PRKN: variants seen among roughly 807,000 people sequenced by gnomAD.
PRKN encodes the protein parkin RBR E3 ubiquitin protein ligase.
PRKN carries 56 observed loss-of-function variants against 59.5 expected under a neutral mutation model. The observed-to-expected ratio is 0.94, with a 90% CI of 0.76 to 1.18. PRKN has a LOEUF of 1.18. PRKN is among the 50% of genes most tolerant of loss of function. PRKN has a pLI of 0.00. For missense variants in PRKN, 657 were observed against 596.4 expected, an observed-to-expected ratio of 1.10 and a Z score of -1.06; for synonymous variants, 250 against 222.1, an observed-to-expected ratio of 1.13 and a Z score of -1.12.
intron 5 of PRKN, among the ~76,000 whole-genome samples, chr6:162,007,554 T>C (rs1416014368): frequency 1.3e-5 from 2 of 152,118 alleles, no homozygotes; most frequent in Non-Finnish European, 2.9e-5. Flanking sequence ...TAAACTTTAA[T>C]AGGTACCACT....
At chr6:162,102,897 G>A (rs1018568087) in intron 4 of PRKN, among the ~76,000 whole-genome samples, 1 of 151,868 alleles carries the variant, frequency 6.6e-6, no homozygotes, top group African/African-American at 2.4e-5. Flanking sequence ...CAAAAAATTA[G>A]CCAGGCGTGG....
intron 1 of PRKN, among the ~76,000 whole-genome samples, chr6:162,529,113 A>T (rs1583734619): frequency 6.6e-6 from 1 of 152,110 alleles, no homozygotes; most frequent in Non-Finnish European, 1.5e-5. Flanking sequence ...TCCTCAAGCA[A>T]TCTGCCCACC....
chr6:162,201,123 T>G lies in PRKN; in HGVS notation c.534+8A>C. 6.2e-7 allele frequency: 1 copy of G among 1,614,098 alleles called. No homozygotes were observed. The highest frequency in any genetic ancestry group is 8.5e-7 in the Non-Finnish European group (1 of 1,179,956). On this transcript the variant is annotated splice_region_variant and intron_variant, in intron 4 of 11. Transcript: ENST00000366898. ...TGGCAGTCTCATGCTGACACTGCAT[T>G]TCCTTACCTGGGTCAAGGTGAGCGT... is the stretch of plus-strand genomic sequence containing the variant.
chr6:161,911,878 A>G (rs1778373946), intron 6 of PRKN, among the ~76,000 whole-genome samples: 1 of 152,124 alleles, frequency 6.6e-6, no homozygotes, highest in African/African-American at 2.4e-5. Flanking sequence ...GAAAGCATCA[A>G]AAGTATAAGA....
intron 2 of PRKN, among the ~76,000 whole-genome samples, chr6:162,315,560 C>T (rs1432725666): frequency 6.6e-6 from 1 of 152,122 alleles, no homozygotes; most frequent in Non-Finnish European, 1.5e-5. Flanking sequence ...TTTTATCTAG[C>T]AACTCTATTT....
chr6:162,484,712 G>T (rs1236018945), intron 1 of PRKN, among the ~76,000 whole-genome samples: 1 of 152,172 alleles, frequency 6.6e-6, no homozygotes, highest in Non-Finnish European at 1.5e-5. Context: ...GTGAGACGGG[G>T]CATGCTTCTT....
intron 4 of PRKN, among the ~76,000 whole-genome samples, chr6:162,057,966 A>T (rs1777932983): frequency 6.6e-6 from 1 of 152,198 alleles, no homozygotes; most frequent in Non-Finnish European, 1.5e-5. Context: ...GTAATGTACA[A>T]ATTACATGGC....
intron 1 of PRKN, among the ~76,000 whole-genome samples, chr6:162,540,252 TAG>T (rs1211326785): frequency 6.6e-6 from 1 of 152,040 alleles, no homozygotes; most frequent in Admixed American, 6.6e-5. Context: ...TTTTTTGAGA[TAG>T]AGTCTTGCTC....
intron 1 of PRKN, among the ~76,000 whole-genome samples, chr6:162,576,857 A>C (rs1250958163): frequency 6.6e-6 from 1 of 151,384 alleles, no homozygotes; most frequent in African/African-American, 2.4e-5. Flanking sequence ...TACATTTTGA[A>C]TAAAAGACGA....
chr6:162,037,996 A>C (rs1783913522), intron 5 of PRKN, among the ~76,000 whole-genome samples: 1 of 149,994 alleles, frequency 6.7e-6, no homozygotes, highest in Admixed American at 6.7e-5. Context: ...TATGACATTT[A>C]AAAATGTGTG....
At position 161,503,553 on chromosome 6, in the gene PRKN, C is replaced by G. The variant is rs1778037926; in HGVS notation, c.1083+45301G>C. On this transcript the variant is annotated intron_variant, in intron 9 of 11. Transcript: ENST00000366898. The surrounding 1 kb of genome is among the most constrained non-coding windows in gnomAD (Gnocchi z 5.1). ...AGGAGGTAGATACTTATTAATTACCCTCATTTAACAGAGGTTTATGGAGGT... is the reference window on the plus strand; with the variant it reads ...AGGAGGTAGATACTTATTAATTACCGTCATTTAACAGAGGTTTATGGAGGT... Among the ~76,000 whole-genome samples the G allele has an allele frequency of 6.6e-6, 1 of 152,122 alleles. No homozygotes were observed. Among genetic ancestry groups the G allele is most frequent in the Non-Finnish European group, 1.5e-5 (1 of 68,028 alleles).
chr6:162,513,282 C>T (rs998001707), intron 1 of PRKN, among the ~76,000 whole-genome samples: 2 of 151,978 alleles, frequency 1.3e-5, no homozygotes, highest in African/African-American at 4.8e-5. Flanking sequence ...AGTTCTAGAC[C>T]AGCCTGGCCA....
At chr6:162,404,168 G>A (rs993924424) in intron 2 of PRKN, among the ~76,000 whole-genome samples, 5 of 151,810 alleles carry the variant, frequency 3.3e-5, no homozygotes, top group East Asian at 2.0e-4. Context: ...TCAGGAGTTC[G>A]AGACCAGCCT....
At chr6:162,640,239 G>C (rs577557801) in intron 1 of PRKN, among the ~76,000 whole-genome samples, 55 of 152,102 alleles carry the variant, frequency 3.6e-4, no homozygotes, top group Non-Finnish European at 5.1e-4. Flanking sequence ...TCTTTAATAG[G>C]GGGCTTTTCA....
intron 5 of PRKN, among the ~76,000 whole-genome samples, chr6:161,992,323 G>T (rs376657678): frequency 2.0e-5 from 3 of 152,148 alleles, no homozygotes; most frequent in East Asian, 3.9e-4. Flanking sequence ...CTGGGCAAAA[G>T]AGTGAGATTC....
chr6:162,243,514 C>T lies in PRKN; in HGVS notation c.412+19011G>A, dbSNP rs560307541. 1.9e-4 allele frequency among the ~76,000 whole-genome samples: 29 copies of T among 152,246 alleles called. 1 individual carries two copies. The South Asian group carries it at 6.0e-3, about 32-fold the overall frequency. On this transcript the variant is annotated intron_variant, in intron 3 of 11. Coordinates refer to ENST00000366898, the MANE Select transcript of PRKN (RefSeq NM_004562.3). ...GAAAAAAAAGTCATTGAAATTTTAT[C>T]TGTCAGTGTGAAGTATCAGTATAAC...
At chr6:162,679,125 A>C (rs1779673696) in intron 1 of PRKN, among the ~76,000 whole-genome samples, 1 of 147,844 alleles carries the variant, frequency 6.8e-6, no homozygotes, top group Non-Finnish European at 1.5e-5. Context: ...TGAATGAGAC[A>C]GTTTCGCCCT....
At chr6:161,717,380 A>C (rs1787029348) in intron 7 of PRKN, among the ~76,000 whole-genome samples, 1 of 152,158 alleles carries the variant, frequency 6.6e-6, no homozygotes, top group Non-Finnish European at 1.5e-5. Flanking sequence ...GAGCACATTC[A>C]AACCATAGCA....
chr6:162,009,176 CCGGGAGGTGGAGGTTGCAG>C (rs1189449592), intron 5 of PRKN, among the ~76,000 whole-genome samples: 2 of 151,736 alleles, frequency 1.3e-5, no homozygotes, highest in Admixed American at 6.6e-5. Context: ...CTGCTTGAAC[CCGGGAGGTGGAGGTTGCAG>C]TGAGCTGAGA....
Sources: allele counts gnomAD v4.1 joint callset (sites outside exome capture counted in the v4.1 genomes callset), GRCh38; gene constraint gnomAD v4.1.1; non-coding constraint Gnocchi (gnomAD v3.1); transcripts MANE v1.5; gene names NCBI Gene and HGNC (gene_info 2026-07-23, HGNC 2026-07-21).